GALNT18: variants seen among roughly 807,000 people sequenced by gnomAD.
GALNT18 encodes the protein polypeptide N-acetylgalactosaminyltransferase 18.
In GALNT18, 44 loss-of-function variants were observed where a neutral mutation model predicts 69.5. That is an observed-to-expected ratio of 0.63 (90% CI 0.50 to 0.81). The LOEUF is 0.81. Ranked by LOEUF, GALNT18 falls within the 40% of genes least tolerant of loss-of-function variation. The pLI is 0.00. For missense variants in GALNT18, 715 were observed against 810.0 expected, an observed-to-expected ratio of 0.88 and a Z score of 1.42; for synonymous variants, 364 against 318.2, an observed-to-expected ratio of 1.14 and a Z score of -1.53.
rs1271745489 is a variant in GALNT18, at chr11:11,341,730, A to G, written c.1093-726T>C. Reference sequence around the variant, plus strand: ...GACCTTTCAATGTTCCTGAACTTGCACTCTTTTGTGCTTCTAGGCTTTGCT... The same window carrying G: ...GACCTTTCAATGTTCCTGAACTTGCGCTCTTTTGTGCTTCTAGGCTTTGCT... On this transcript the variant is annotated intron_variant, in intron 6 of 10. Transcript: ENST00000227756. The surrounding 1 kb of genome is among the most constrained non-coding windows in gnomAD (Gnocchi z 6.3). Among the ~76,000 whole-genome samples the G allele has an allele frequency of 2.0e-5, 3 of 151,920 alleles. No homozygotes were observed. The highest frequency in any genetic ancestry group is 4.8e-5 in the African/African-American group (2 of 41,324).
intron 9 of GALNT18, among the ~76,000 whole-genome samples, chr11:11,324,202 T>C (rs1281708241): frequency 2.0e-5 from 3 of 152,224 alleles, no homozygotes; most frequent in Non-Finnish European, 2.9e-5. Context: ...GTTTAAGGCC[T>C]GTGATATTTT....
rs1466242356 is a variant in GALNT18, at chr11:11,555,265, C to A, written c.235+66094G>T. 6.6e-6 allele frequency among the ~76,000 whole-genome samples: 1 copy of A among 152,158 alleles called. No homozygotes were observed. Among genetic ancestry groups the A allele is most frequent in the African/African-American group, 2.4e-5 (1 of 41,440 alleles). On this transcript the variant is annotated intron_variant, in intron 1 of 10. Coordinates refer to ENST00000227756, the MANE Select transcript of GALNT18 (RefSeq NM_198516.3). The surrounding 1 kb of genome is among the most constrained non-coding windows in gnomAD (Gnocchi z 4.7). ...AAGGACCCAGCCCCTCTCTGACAGC[C>A]AACAGGCTGCAGGGTTCTCTGTTTT...
At chr11:11,464,683 C>G (rs911289475) in intron 1 of GALNT18, among the ~76,000 whole-genome samples, 1 of 152,226 alleles carries the variant, frequency 6.6e-6, no homozygotes, top group East Asian at 1.9e-4. Flanking sequence ...CAAGATACAG[C>G]AGTGCAGAGA....
intron 1 of GALNT18, 118 bp from the exon 2 acceptor site, chr11:11,449,054 G>T (rs779691071): frequency 3.5e-6 from 3 of 859,642 alleles, no homozygotes; most frequent in Non-Finnish European, 5.2e-6. Context: ...CCCTTCTTTC[G>T]GGGTCAGTGC....
intron 3 of GALNT18, among the ~76,000 whole-genome samples, chr11:11,426,684 G>A (rs1164099404): frequency 2.6e-5 from 4 of 152,200 alleles, no homozygotes; most frequent in Non-Finnish European, 5.9e-5. Context: ...GGCAGTTGGA[G>A]ATACAGAGGA....
rs747417323 is a variant in GALNT18 at position 11,415,820 on chromosome 11, A to G, written c.595+16801T>C. Among the ~76,000 whole-genome samples, 3 of 152,168 alleles carry G rather than the reference A, an allele frequency of 2.0e-5. No homozygotes were observed. Among genetic ancestry groups the G allele is most frequent in the Non-Finnish European group, 2.9e-5 (2 of 68,032 alleles). On this transcript the variant is annotated intron_variant, in intron 3 of 10. Transcript: ENST00000227756. This position sits in a 1 kb window ranked among gnomAD's most constrained non-coding sequence, Gnocchi z 4.1. ...TTTTTCCTGCCACGTAGAATTCAGGAATTCAGCAAGCAGCAACGCTCTCCA... is the reference window on the plus strand; with the variant it reads ...TTTTTCCTGCCACGTAGAATTCAGGGATTCAGCAAGCAGCAACGCTCTCCA...
At chr11:11,462,136 G>A (rs965165652) in intron 1 of GALNT18, among the ~76,000 whole-genome samples, 22 of 152,228 alleles carry the variant, frequency 1.4e-4, no homozygotes, top group Admixed American at 9.1e-4. Context: ...GCCTGAGATC[G>A]TGCATTTCTA....
rs1444697017 is a variant in GALNT18 at position 11,356,662 on chromosome 11, C to T, written c.1093-15658G>A. Among the ~76,000 whole-genome samples the T allele has an allele frequency of 6.6e-6, 1 of 152,046 alleles. No homozygotes were observed. The highest frequency in any genetic ancestry group is 1.9e-4 in the East Asian group (1 of 5,176). ...AAAAATTTCCTTCAGGTTGACTCCC[C>T]AAATCCTTCATCAATTGTTACCTCG... On this transcript the variant is annotated intron_variant, in intron 6 of 10. Coordinates refer to ENST00000227756, the MANE Select transcript of GALNT18 (RefSeq NM_198516.3). This position sits in a 1 kb window ranked among gnomAD's most constrained non-coding sequence, Gnocchi z 4.4.
intron 1 of GALNT18, among the ~76,000 whole-genome samples, chr11:11,484,761 T>TG (rs1856608802): frequency 6.6e-6 from 1 of 151,894 alleles, no homozygotes; most frequent in Admixed American, 6.6e-5. Flanking sequence ...ACCCAAGTTA[T>TG]GGGGGGACCT....
At chr11:11,278,420 G>A (rs1347545280) in intron 10 of GALNT18, among the ~76,000 whole-genome samples, 1 of 151,628 alleles carries the variant, frequency 6.6e-6, no homozygotes, top group Non-Finnish European at 1.5e-5. Context: ...TGTAGATGAT[G>A]GGTTGATGGG....
At chr11:11,345,478 A>C (rs1428153038) in intron 6 of GALNT18, among the ~76,000 whole-genome samples, 1 of 152,170 alleles carries the variant, frequency 6.6e-6, no homozygotes. Flanking sequence ...AGTCACTGGC[A>C]TTTGGACCTC....
At chr11:11,578,986 G>A (rs1859001622) in intron 1 of GALNT18, among the ~76,000 whole-genome samples, 1 of 152,156 alleles carries the variant, frequency 6.6e-6, no homozygotes, top group African/African-American at 2.4e-5. Flanking sequence ...CCTGGCTTCA[G>A]GAAGGAAGGA....
At chr11:11,506,269 G>A (rs1440568914) in intron 1 of GALNT18, among the ~76,000 whole-genome samples, 2 of 152,144 alleles carry the variant, frequency 1.3e-5, no homozygotes, top group African/African-American at 4.8e-5. Context: ...GTTTTGCTAG[G>A]TCTAAGCTAT....
intron 6 of GALNT18, among the ~76,000 whole-genome samples, chr11:11,345,967 G>A (rs191039211): frequency 9.9e-5 from 15 of 152,150 alleles, no homozygotes; most frequent in Non-Finnish European, 1.5e-4. Flanking sequence ...GGCTTCTGAC[G>A]GGCACTGAGC....
intron 3 of GALNT18, among the ~76,000 whole-genome samples, chr11:11,427,487 G>T (rs1025979922): frequency 6.6e-6 from 1 of 152,130 alleles, no homozygotes; most frequent in Admixed American, 6.5e-5. Flanking sequence ...AAGACATTCC[G>T]ACGGCTCTGC....
At chr11:11,431,157 C>T (rs1174114101) in intron 3 of GALNT18, among the ~76,000 whole-genome samples, 1 of 152,186 alleles carries the variant, frequency 6.6e-6, no homozygotes, top group Non-Finnish European at 1.5e-5. Flanking sequence ...GTGCTCCATA[C>T]TCTTCTCTCT....
At chr11:11,519,146 C>T (rs1857341833) in intron 1 of GALNT18, among the ~76,000 whole-genome samples, 1 of 152,228 alleles carries the variant, frequency 6.6e-6, no homozygotes, top group Non-Finnish European at 1.5e-5. Context: ...CCACACCCTG[C>T]TCGCCAGGCC....
At chr11:11,438,707 G>C (rs966736005) in intron 2 of GALNT18, among the ~76,000 whole-genome samples, 1 of 152,182 alleles carries the variant, frequency 6.6e-6, no homozygotes. Flanking sequence ...AGACAGTGGT[G>C]TTGTGTCATT....
At chr11:11,578,185 T>C (rs1306879759) in intron 1 of GALNT18, among the ~76,000 whole-genome samples, 2 of 151,716 alleles carry the variant, frequency 1.3e-5, no homozygotes, top group Non-Finnish European at 2.9e-5. Context: ...CAATGTCCCA[T>C]GGCATAAGGG....
Sources: gnomAD v4.1 joint callset for allele counts (sites outside exome capture counted in the v4.1 genomes callset) on GRCh38, gnomAD v4.1.1 for gene constraint, Gnocchi (gnomAD v3.1) non-coding constraint, MANE v1.5 for transcripts, NCBI Gene and HGNC (gene_info 2026-07-23, HGNC 2026-07-21) for gene names.